DAB1: variants seen among roughly 807,000 people sequenced by gnomAD.
DAB1 encodes DAB adaptor protein 1.
DAB1 carries 15 observed loss-of-function variants against 64.6 expected under a neutral mutation model. The observed-to-expected ratio is 0.23, with a 90% CI of 0.16 to 0.36. The LOEUF is 0.36. Among genes scored for constraint, DAB1 ranks in the 10% least tolerant of loss-of-function variants. The probability of loss-of-function intolerance (pLI) is 1.00; values close to 1 mark genes in which losing one functional copy is unlikely to be tolerated. For synonymous variants in DAB1, 235 were observed against 251.9 expected (o/e 0.93, Z 0.64); for missense variants, 596 against 706.7 (o/e 0.84, Z 1.78).
chr1:57,170,644 T>A (rs1219962511), intron 2 of DAB1, among the ~76,000 whole-genome samples: 1 of 152,138 alleles, frequency 6.6e-6, no homozygotes, highest in Non-Finnish European at 1.5e-5. Context: ...GGAATGCAGG[T>A]CTCTGAGTCC....
At chr1:58,316,156 T>C (rs1662554853) in intron 4 of DAB1, among the ~76,000 whole-genome samples, 1 of 152,222 alleles carries the variant, frequency 6.6e-6, no homozygotes, top group Non-Finnish European at 1.5e-5. Context: ...ATACAGGAAC[T>C]GTGCTACAGC....
At chr1:57,397,504 C>T (rs1048906329) in intron 1 of DAB1, among the ~76,000 whole-genome samples, 4 of 152,108 alleles carry the variant, frequency 2.6e-5, no homozygotes, top group African/African-American at 9.7e-5. Flanking sequence ...GAACATTTAC[C>T]CAAACCTGTT....
chr1:57,098,474 C>T (rs1654375336), intron 4 of DAB1, among the ~76,000 whole-genome samples: 2 of 152,138 alleles, frequency 1.3e-5, no homozygotes, highest in Admixed American at 1.3e-4. Context: ...TAATTGGAGT[C>T]TTGTGTGTCT....
intron 1 of DAB1, among the ~76,000 whole-genome samples, chr1:57,367,068 TAAAATAA>T (rs1054337859): frequency 1.3e-5 from 1 of 76,844 alleles, no homozygotes; most frequent in Admixed American, 1.3e-4. Flanking sequence ...TAAAATAAAA[TAAAATAA>T]AATAAAATAA....
chr1:57,993,385 G>A (rs1557600721), intron 5 of DAB1, among the ~76,000 whole-genome samples: 1 of 152,302 alleles, frequency 6.6e-6, no homozygotes, highest in South Asian at 2.1e-4. Context: ...TTTAAATGCA[G>A]TCCATCAGTC....
At chr1:57,878,011 C>A (rs1188819595) in intron 1 of DAB1, among the ~76,000 whole-genome samples, 1 of 152,150 alleles carries the variant, frequency 6.6e-6, no homozygotes, top group African/African-American at 2.4e-5. Flanking sequence ...TGTCTTTAGT[C>A]TTTTCGGGTG....
intron 1 of DAB1, among the ~76,000 whole-genome samples, chr1:57,850,452 G>GTT (rs5774375): frequency 1.0e-4 from 15 of 147,054 alleles, no homozygotes; most frequent in Non-Finnish European, 1.5e-4. Context: ...AGATAATGTA[G>GTT]TTTTTTTTTT....
At chr1:57,156,394 C>T (rs1660225465) in intron 2 of DAB1, among the ~76,000 whole-genome samples, 2 of 152,162 alleles carry the variant, frequency 1.3e-5, no homozygotes, top group Non-Finnish European at 2.9e-5. Context: ...CAACTGTCTC[C>T]TCTACACTTG....
chr1:58,001,424 T>C (rs1032653732), intron 5 of DAB1, among the ~76,000 whole-genome samples: 5 of 152,050 alleles, frequency 3.3e-5, no homozygotes, highest in African/African-American at 1.2e-4. Flanking sequence ...CCACCATGGC[T>C]AATTTTTGTA....
At chr1:57,517,385 T>C in intron 7 of DAB1, among the ~76,000 whole-genome samples, 1 of 152,316 alleles carries the variant, frequency 6.6e-6, no homozygotes, top group South Asian at 2.1e-4. Context: ...TTTCTCTACC[T>C]GAGAGCAAAG....
chr1:57,346,760 A>G (rs1678141675), intron 1 of DAB1, among the ~76,000 whole-genome samples: 1 of 152,194 alleles, frequency 6.6e-6, no homozygotes, highest in Non-Finnish European at 1.5e-5. Context: ...GTGTACATGA[A>G]CTGACCAATT....
At chr1:58,424,826 A>C (rs1557756152) in intron 3 of DAB1, among the ~76,000 whole-genome samples, 1 of 151,838 alleles carries the variant, frequency 6.6e-6, no homozygotes, top group Non-Finnish European at 1.5e-5. Context: ...ATTAAGCATG[A>C]GGGAGAAGGA....
intron 2 of DAB1, among the ~76,000 whole-genome samples, chr1:57,249,037 G>A (rs949715767): frequency 6.6e-6 from 1 of 152,190 alleles, no homozygotes; most frequent in African/African-American, 2.4e-5. Context: ...AAGTCAGACC[G>A]CCTATAAAGG....
chr1:58,464,041 A>T (rs1206434586), intron 3 of DAB1, among the ~76,000 whole-genome samples: 1 of 152,222 alleles, frequency 6.6e-6, no homozygotes. Context: ...GAACGACAGG[A>T]GGTGCAGAGC....
At chr1:58,057,313 C>A (rs1394477795) in intron 5 of DAB1, among the ~76,000 whole-genome samples, 1 of 152,118 alleles carries the variant, frequency 6.6e-6, no homozygotes, top group Non-Finnish European at 1.5e-5. Flanking sequence ...ATAGCATCCC[C>A]TTAAAATTCA....
intron 5 of DAB1, among the ~76,000 whole-genome samples, chr1:58,028,803 T>C (rs1294854257): frequency 1.3e-5 from 2 of 152,232 alleles, no homozygotes; most frequent in Non-Finnish European, 2.9e-5. Context: ...TACTATTCTC[T>C]TCACAGACGA....
chr1:58,322,215 G>T (rs1329798077), intron 4 of DAB1, among the ~76,000 whole-genome samples: 2 of 152,130 alleles, frequency 1.3e-5, no homozygotes, highest in Non-Finnish European at 2.9e-5. Flanking sequence ...AAAAGTAATG[G>T]CAACAAAAGC....
At chr1:57,922,678 T>C (rs894619539) in intron 5 of DAB1, among the ~76,000 whole-genome samples, 1 of 151,462 alleles carries the variant, frequency 6.6e-6, no homozygotes, top group Non-Finnish European at 1.5e-5. Context: ...ACCCCGTCTC[T>C]ACTAAAAATA....
chr1:57,540,369 A>G (rs577252289), intron 7 of DAB1, among the ~76,000 whole-genome samples: 21 of 152,322 alleles, frequency 1.4e-4, no homozygotes, highest in South Asian at 8.3e-4. Flanking sequence ...TAGTACAACC[A>G]CTATGGAAAA....
Sources: gnomAD v4.1 joint callset for allele counts (sites outside exome capture counted in the v4.1 genomes callset) on GRCh38, gnomAD v4.1.1 for gene constraint, MANE v1.5 for transcripts, NCBI Gene and HGNC (gene_info 2026-07-23, HGNC 2026-07-21) for gene names.